The following ARHGAP21 variants were observed in gnomAD, a reference collection of about 807,000 sequenced individuals.
The protein encoded by ARHGAP21 is Rho GTPase activating protein 21.
A neutral mutation model predicts 164.6 loss-of-function variants in ARHGAP21; 38 were observed. The observed-to-expected ratio is 0.23, with a 90% CI of 0.18 to 0.30. ARHGAP21 has a LOEUF of 0.30. Ranked by LOEUF, ARHGAP21 falls within the 10% of genes least tolerant of loss-of-function variation. The probability of loss-of-function intolerance (pLI) is 1.00; values close to 1 mark genes in which losing one functional copy is unlikely to be tolerated. For missense variants in ARHGAP21, 1,822 were observed against 2,370.7 expected, an observed-to-expected ratio of 0.77 and a Z score of 4.81; for synonymous variants, 766 against 857.9, an observed-to-expected ratio of 0.89 and a Z score of 1.87.
intron 21 of ARHGAP21, among the ~76,000 whole-genome samples, chr10:24,594,415 G>A (rs761579315): frequency 1.6e-4 from 25 of 152,266 alleles, no homozygotes; most frequent in Middle Eastern, 3.4e-3. Flanking sequence ...GGAGGCAGGT[G>A]AATTGCTTGA....
At chr10:24,703,633 A>G (rs1195454680) in intron 2 of ARHGAP21, among the ~76,000 whole-genome samples, 2 of 152,186 alleles carry the variant, frequency 1.3e-5, no homozygotes, top group Non-Finnish European at 2.9e-5. Flanking sequence ...AATTCTCAGT[A>G]TGCAACCTGA....
chr10:24,670,315 T>C lies in ARHGAP21; in HGVS notation c.146A>G (p.Lys49Arg). The C allele has an allele frequency of 1.2e-6, 2 of 1,610,052 alleles. No individual in the cohort carries two copies. The highest frequency in any genetic ancestry group is 1.3e-5 in the African/African-American group (1 of 74,952). Residue 49 changes from lysine to arginine, a missense_variant, in exon 3 of 26, where the codon AAA becomes AGA. Lys to Arg is a conservative substitution (Grantham distance 26, BLOSUM62 2). Coordinates refer to ENST00000396432, the MANE Select transcript of ARHGAP21 (RefSeq NM_020824.4). ...AGATGTTCTTTTCAACGTAACTGTTTTGGGACCTGGCCAGGAGAATGTTTC... is the reference window on the plus strand; with the variant it reads ...AGATGTTCTTTTCAACGTAACTGTTCTGGGACCTGGCCAGGAGAATGTTTC... ...EDETFSWPGP[K>R]TVTLKRTSQG... is the part of the protein sequence containing the mutation.
chr10:24,719,098 TACACACAC>T (rs57863565), intron 2 of ARHGAP21, among the ~76,000 whole-genome samples: 6 of 147,504 alleles, frequency 4.1e-5, no homozygotes, highest in African/African-American at 7.6e-5. Context: ...CTTCACGGAC[TACACACAC>T]ACACACACAC....
At chr10:24,608,559 T>TAAAG (rs1260016129) in intron 9 of ARHGAP21, among the ~76,000 whole-genome samples, 1 of 152,142 alleles carries the variant, frequency 6.6e-6, no homozygotes, top group East Asian at 1.9e-4. Flanking sequence ...TAAAACCTGT[T>TAAAG]AAAGAATATA....
Position 24,598,295 on chromosome 10 carries a change from A to G in ARHGAP21, c.3133-286T>C, listed in dbSNP as rs1268557541. ...CAATACTTATTGAATTGATCCGTCC[A>G]TTTAAAATAAATGACTAGGAAGCAG... On this transcript the variant is annotated intron_variant, in intron 14 of 25. Transcript: ENST00000396432. Among the ~76,000 whole-genome samples the G allele has an allele frequency of 2.0e-5, 3 of 152,280 alleles. No homozygotes were observed. The East Asian group carries it at 5.8e-4, about 29-fold the overall frequency.
intron 20 of ARHGAP21, 38 bp downstream of exon 20, chr10:24,595,079 T>TTTTAGTTGTATCCCCCAAAATATA (rs1173846143): frequency 2.5e-6 from 4 of 1,607,672 alleles, no homozygotes; most frequent in Non-Finnish European, 2.6e-6. Flanking sequence ...AGAGGCTGAA[T>TTTTAGTTGTATCCCCCAAAATATA]TTTAGTTGTA....
chr10:24,668,694 A>G (rs1386728617), intron 3 of ARHGAP21, among the ~76,000 whole-genome samples: 5 of 152,046 alleles, frequency 3.3e-5, no homozygotes, highest in African/African-American at 9.7e-5. Context: ...TCTAGCCAAC[A>G]TAAGATCAGT....
At chr10:24,613,997 T>C (rs768049467) in intron 9 of ARHGAP21, among the ~76,000 whole-genome samples, 5 of 152,214 alleles carry the variant, frequency 3.3e-5, no homozygotes, top group South Asian at 4.1e-4. Flanking sequence ...CGTGTGTGTA[T>C]GAAAAATGAT....
At chr10:24,632,611 A>G (rs1183692443) in intron 6 of ARHGAP21, among the ~76,000 whole-genome samples, 1 of 152,244 alleles carries the variant, frequency 6.6e-6, no homozygotes, top group African/African-American at 2.4e-5. Flanking sequence ...AGAGCTTGAT[A>G]AAAATCTTCA....
Position 24,595,294 on chromosome 10 carries a change from T to C in ARHGAP21, c.3713-104A>G, listed in dbSNP as rs188996228. On this transcript the variant is annotated intron_variant, in intron 19 of 25. Coordinates refer to ENST00000396432, the MANE Select transcript of ARHGAP21 (RefSeq NM_020824.4). Reference sequence around the variant, plus strand: ...TTTTAAACCACAACATAGGAAAGAGTTCTAATAGTTTTGAAATGTAAATTT... The same window carrying C: ...TTTTAAACCACAACATAGGAAAGAGCTCTAATAGTTTTGAAATGTAAATTT... 85 of 955,852 alleles carry C rather than the reference T, an allele frequency of 8.9e-5. No individual in the cohort carries two copies. In the African/African-American group the frequency reaches 1.2e-3, roughly 14 times the overall value. The allele number at this position is 955,852 out of a possible 1,614,324, so 59.2% of individuals were successfully genotyped here. A position where few individuals can be genotyped will look rare whatever the true frequency, so the allele number is the denominator to read the frequency against.
At chr10:24,590,193 T>G in intron 24 of ARHGAP21, 1 of 1,432,628 alleles carries the variant, frequency 7.0e-7, no homozygotes, top group Non-Finnish European at 9.1e-7. Flanking sequence ...CTTTAAGAAC[T>G]GGTAGACCAT....
chr10:24,694,332 G>A (rs1289383836), intron 2 of ARHGAP21, among the ~76,000 whole-genome samples: 1 of 152,334 alleles, frequency 6.6e-6, no homozygotes, highest in East Asian at 1.9e-4. Context: ...CTTGCAAGGC[G>A]GCCCTCCGTT....
intron 2 of ARHGAP21, among the ~76,000 whole-genome samples, chr10:24,685,796 A>T (rs886251263): frequency 6.6e-6 from 1 of 152,128 alleles, no homozygotes; most frequent in Non-Finnish European, 1.5e-5. Context: ...GAATCGCTTG[A>T]ACCTGGGAAG....
intron 25 of ARHGAP21, among the ~76,000 whole-genome samples, chr10:24,587,829 AC>A (rs1564950204): frequency 3.9e-4 from 58 of 148,628 alleles, no homozygotes; most frequent in Admixed American, 2.3e-3. Context: ...GAGGCAAATT[AC>A]TCTACTTTTC....
chr10:24,712,626 C>T (rs1182068879), intron 2 of ARHGAP21, among the ~76,000 whole-genome samples: 3 of 152,066 alleles, frequency 2.0e-5, no homozygotes, highest in Admixed American at 2.0e-4. Flanking sequence ...AATTTTTTTC[C>T]CCAATATTTT....
At chr10:24,723,435 C>A (rs1277556370) in intron 1 of ARHGAP21, 127 bp downstream of exon 1, 12 of 147,146 alleles carry the variant, frequency 8.2e-5, no homozygotes, top group Non-Finnish European at 1.5e-4. Flanking sequence ...CTCCCTCCGG[C>A]CCCGAGCCAG....
chr10:24,629,815 CA>C, intron 7 of ARHGAP21, 180 bp downstream of exon 7: 1 of 661,744 alleles, frequency 1.5e-6, no homozygotes, highest in Non-Finnish European at 2.8e-6. Context: ...CACTTAATTG[CA>C]AAAACTTGGC....
intron 2 of ARHGAP21, among the ~76,000 whole-genome samples, chr10:24,718,246 C>A (rs1167693397): frequency 6.6e-6 from 1 of 152,136 alleles, no homozygotes; most frequent in Non-Finnish European, 1.5e-5. Context: ...AGAAGGTGCA[C>A]AGGAAGAGGG....
chr10:24,693,188 C>T (rs547429525), intron 2 of ARHGAP21, among the ~76,000 whole-genome samples: 6 of 152,148 alleles, frequency 3.9e-5, no homozygotes, highest in Non-Finnish European at 5.9e-5. Context: ...TTGCAAACCT[C>T]GCCAAGCTAT....
Sources: gnomAD v4.1 joint callset for allele counts (sites outside exome capture counted in the v4.1 genomes callset) on GRCh38, gnomAD v4.1.1 for gene constraint, MANE v1.5 for transcripts, NCBI Gene and HGNC (gene_info 2026-07-23, HGNC 2026-07-21) for gene names.